Variants in CACNB2 observed in about 807,000 individuals in gnomAD.
CACNB2 encodes the protein voltage-dependent L-type calcium channel subunit beta-2.
In CACNB2, 42 loss-of-function variants were observed where a neutral mutation model predicts 73.3. The ratio of observed to expected loss-of-function variants is 0.57; its 90% confidence interval spans 0.45 to 0.74. The LOEUF is 0.74. CACNB2 is among the 30% of genes least tolerant of loss of function. The probability of loss-of-function intolerance (pLI) is 0.00; values close to 1 mark genes in which losing one functional copy is unlikely to be tolerated. For missense variants in CACNB2, 940 were observed against 853.0 expected (o/e 1.10, Z -1.27); for synonymous variants, 348 against 310.3 (o/e 1.12, Z -1.28).
At chr10:18,183,835 G>A (rs1357434281) in intron 2 of CACNB2, among the ~76,000 whole-genome samples, 1 of 152,142 alleles carries the variant, frequency 6.6e-6, no homozygotes, top group Non-Finnish European at 1.5e-5. Context: ...GTGTAGTGGT[G>A]CATAGTACAG....
chr10:18,431,400 A>G (rs2045883610), intron 3 of CACNB2, among the ~76,000 whole-genome samples: 1 of 152,200 alleles, frequency 6.6e-6, no homozygotes, highest in South Asian at 2.1e-4. Flanking sequence ...TGCCTCAAGT[A>G]GGTCCCAACT....
chr10:18,461,729 T>A (rs1433377996), intron 3 of CACNB2, among the ~76,000 whole-genome samples: 2 of 147,372 alleles, frequency 1.4e-5, no homozygotes. Context: ...CCCCCAGCTG[T>A]GCAGGAGACC....
chr10:18,382,271 G>T (rs1195787435), intron 2 of CACNB2, among the ~76,000 whole-genome samples: 9 of 152,000 alleles, frequency 5.9e-5, no homozygotes, highest in Admixed American at 2.6e-4. Context: ...TCATAACTCT[G>T]TGAATGTATA....
chr10:18,536,765 C>CA (rs2053647336), intron 12 of CACNB2, among the ~76,000 whole-genome samples: 1 of 152,036 alleles, frequency 6.6e-6, no homozygotes, highest in Non-Finnish European at 1.5e-5. Context: ...TGTTAATATC[C>CA]AACACAAGAT....
intron 6 of CACNB2, among the ~76,000 whole-genome samples, chr10:18,509,789 CAAAT>C (rs955117701): frequency 8.6e-5 from 13 of 151,834 alleles, no homozygotes; most frequent in Middle Eastern, 3.2e-3. Flanking sequence ...GACCCTGTCT[CAAAT>C]AAATAAATAA....
At chr10:18,456,569 TCCCACCAGGC>T (rs1474396692) in intron 3 of CACNB2, among the ~76,000 whole-genome samples, 9 of 152,224 alleles carry the variant, frequency 5.9e-5, no homozygotes. Context: ...GCCAATCACC[TCCCACCAGGC>T]CCCACCTCCA....
chr10:18,361,360 A>G lies in CACNB2; in HGVS notation c.214-40564A>G, dbSNP rs367982329. Among the ~76,000 whole-genome samples the G allele has an allele frequency of 1.2e-4, 18 of 151,576 alleles. No individual in the cohort carries two copies. The South Asian group carries it at 1.5e-3, about 12-fold the overall frequency. On this transcript the variant is annotated intron_variant, in intron 2 of 13. Coordinates refer to ENST00000324631, the MANE Select transcript of CACNB2 (RefSeq NM_201596.3). ...AAAAAAAAAAAAAAAATAGCTGTGC[A>G]TGATGGTGCATGCTTGAAGTCCCAG...
At chr10:18,279,203 C>G (rs935774298) in intron 2 of CACNB2, among the ~76,000 whole-genome samples, 1 of 152,276 alleles carries the variant, frequency 6.6e-6, no homozygotes, top group Non-Finnish European at 1.5e-5. Context: ...ACTGGTAAAA[C>G]AAATGGTTCT....
chr10:18,443,796 C>T (rs1402926912), intron 3 of CACNB2, among the ~76,000 whole-genome samples: 1 of 150,652 alleles, frequency 6.6e-6, no homozygotes, highest in Non-Finnish European at 1.5e-5. Context: ...CTCACTGAAA[C>T]CTCCACCTCC....
At chr10:18,485,582 G>C (rs1475293930) in intron 3 of CACNB2, among the ~76,000 whole-genome samples, 1 of 127,956 alleles carries the variant, frequency 7.8e-6, no homozygotes, top group Non-Finnish European at 1.6e-5. Context: ...TTTTTTCTGA[G>C]ATGGAGCCTC....
intron 2 of CACNB2, among the ~76,000 whole-genome samples, chr10:18,386,792 G>C (rs2132417238): frequency 6.6e-6 from 1 of 152,210 alleles, no homozygotes; most frequent in South Asian, 2.1e-4. Context: ...AAGAGAGCTA[G>C]GTACTGGAAG....
intron 2 of CACNB2, among the ~76,000 whole-genome samples, chr10:18,244,780 A>G (rs895362096): frequency 3.3e-5 from 5 of 152,192 alleles, no homozygotes. Context: ...ATGTTACCTT[A>G]TGTGGCAAAT....
chr10:18,438,060 C>T (rs1589354335), intron 3 of CACNB2, among the ~76,000 whole-genome samples: 1 of 118,618 alleles, frequency 8.4e-6, no homozygotes, highest in Non-Finnish European at 1.6e-5. Flanking sequence ...CTCTGTCACC[C>T]AGGCTGGAAT....
chr10:18,507,297 C>A (rs1210702297), intron 6 of CACNB2, among the ~76,000 whole-genome samples: 2 of 152,146 alleles, frequency 1.3e-5, no homozygotes, highest in Non-Finnish European at 2.9e-5. Context: ...CAGAAAAGTT[C>A]TGTGGAAGAC....
chr10:18,145,484 G>C (rs58333581), intron 1 of CACNB2, among the ~76,000 whole-genome samples: 1 of 151,950 alleles, frequency 6.6e-6, no homozygotes, highest in Admixed American at 6.6e-5. Flanking sequence ...GTATGTTTTA[G>C]AATTTGAAAT....
At chr10:18,339,119 G>A (rs112345507) in intron 2 of CACNB2, among the ~76,000 whole-genome samples, 1 of 151,936 alleles carries the variant, frequency 6.6e-6, no homozygotes, top group African/African-American at 2.4e-5. Context: ...CTCATGTGAG[G>A]GTATCCCTGG....
rs577739840 is a variant in CACNB2 at position 18,539,558 on chromosome 10, G to T, written c.1817G>T (p.Arg606Leu). The change falls in exon 14 of 14, where the codon CGG becomes CTG. Residue 606 changes from arginine to leucine, a missense_variant. By Grantham distance (102) the Arg-to-Leu change is moderately radical. Transcript: ENST00000324631. Reference sequence around the variant, plus strand: ...AGTGACCACAGACACAGGGAGTCCCGGCACCGTTCCCGGGACGTGGATCGA... The same window carrying T: ...AGTGACCACAGACACAGGGAGTCCCTGCACCGTTCCCGGGACGTGGATCGA... ...GSSDHRHRES[R>L]HRSRDVDREQ... 6.2e-7 allele frequency: 1 copy of T among 1,613,430 alleles called. No individual in the cohort carries two copies. Among genetic ancestry groups the T allele is most frequent in the Non-Finnish European group, 8.5e-7 (1 of 1,179,896 alleles).
At chr10:18,450,390 G>T (rs2046957603) in intron 3 of CACNB2, among the ~76,000 whole-genome samples, 1 of 151,978 alleles carries the variant, frequency 6.6e-6, no homozygotes, top group African/African-American at 2.4e-5. Flanking sequence ...CTAAAAGCCA[G>T]TGCTTTTAGT....
intron 2 of CACNB2, among the ~76,000 whole-genome samples, chr10:18,183,434 C>G (rs1048349743): frequency 6.6e-6 from 1 of 152,192 alleles, no homozygotes; most frequent in African/African-American, 2.4e-5. Flanking sequence ...AAGACATACT[C>G]GAGACTGGGT....
Sources: allele counts gnomAD v4.1 joint callset (sites outside exome capture counted in the v4.1 genomes callset), GRCh38; gene constraint gnomAD v4.1.1; transcripts MANE v1.5; gene names NCBI Gene and HGNC (gene_info 2026-07-23, HGNC 2026-07-21).